POLG2: variants seen among roughly 807,000 people sequenced by gnomAD.
POLG2 encodes DNA polymerase subunit gamma-2.
Under a neutral mutation model 56.5 loss-of-function variants are expected in POLG2, and 50 were observed. The ratio of observed to expected loss-of-function variants is 0.88; its 90% confidence interval spans 0.71 to 1.12. The LOEUF (loss-of-function observed/expected upper bound fraction) is 1.12, where lower values mean the gene tolerates loss of function less well. Among genes scored for constraint, POLG2 ranks in the 50% most tolerant of loss-of-function variants. The pLI is 0.00. For missense variants in POLG2, 584 were observed against 583.3 expected (o/e 1.00, Z -0.01); for synonymous variants, 226 against 222.6 (o/e 1.02, Z -0.14).
chr17:64,489,028 CTTTT>C (rs562036918), intron 4 of POLG2, among the ~76,000 whole-genome samples: 3 of 136,468 alleles, frequency 2.2e-5, no homozygotes, highest in Non-Finnish European at 4.8e-5. Flanking sequence ...TTTTCTTTTT[CTTTT>C]TTTTTTTTTT....
In POLG2 at chr17:64,492,964, C is replaced by A. The variant is rs782161056; in HGVS notation, c.620G>T (p.Gly207Val). ...AAAACACACTCCAATCTGAGCAAGG[C>A]CATAAGGTAGCCTCTTGTTTACCAG... is the stretch of plus-strand genomic sequence containing the variant. ...LDLVNKRLPY[G>V]LAQIGVCFHP... The change falls in exon 2 of 8, where the codon GGC (glycine) becomes GTC (valine). Residue 207 changes from glycine to valine, a missense_variant. Coordinates refer to ENST00000539111, the MANE Select transcript of POLG2 (RefSeq NM_007215.4). 1.7e-5 allele frequency: 28 copies of A among 1,613,744 alleles called. No individual in the cohort carries two copies. Among genetic ancestry groups the A allele is most frequent in the Non-Finnish European group, 2.0e-5 (24 of 1,179,802 alleles).
intron 5 of POLG2, chr17:64,483,965 T>C (rs1258128286): frequency 1.3e-5 from 2 of 152,252 alleles, no homozygotes; most frequent in African/African-American, 2.4e-5. Context: ...TCCACCCACC[T>C]TGGCTTCCCA....
chr17:64,491,632 C>T (rs969226171), intron 3 of POLG2: 21 of 1,501,780 alleles, frequency 1.4e-5, no homozygotes, highest in Admixed American at 1.7e-5. Context: ...CTTGATGGAG[C>T]GTTTCAAAGA....
At chr17:64,481,998 T>C (rs1256025063) in intron 6 of POLG2, among the ~76,000 whole-genome samples, 1 of 151,758 alleles carries the variant, frequency 6.6e-6, no homozygotes, top group Non-Finnish European at 1.5e-5. Context: ...TGAATGGGCA[T>C]GAACAGCAAA....
chr17:64,478,375 C>T (rs1035778041), intron 7 of POLG2, among the ~76,000 whole-genome samples: 1 of 152,080 alleles, frequency 6.6e-6, no homozygotes, highest in Non-Finnish European at 1.5e-5. Flanking sequence ...AATAAAGATG[C>T]AATTTGGTAT....
chr17:64,485,627 ATTAT>A lies in POLG2; in HGVS notation c.1110+97_1110+100del. ...TACTTAGACTACATGCACTAAATTT[ATTAT>A]TTAGAGTTTATGTTAGAAACCGAGC... On this transcript the variant is annotated intron_variant, in intron 5 of 7. Coordinates refer to ENST00000539111, the MANE Select transcript of POLG2 (RefSeq NM_007215.4). 7.2e-6 allele frequency: 7 copies of A among 968,066 alleles called. No individual in the cohort carries two copies. The South Asian group carries it at 9.3e-5, about 13-fold the overall frequency. The allele number at this position is 968,066 out of a possible 1,614,324, so 60.0% of individuals were successfully genotyped here.
At chr17:64,491,556 C>T in intron 3 of POLG2, 1 of 1,550,558 alleles carries the variant, frequency 6.4e-7, no homozygotes, top group South Asian at 1.1e-5. Flanking sequence ...GGACAAGAAA[C>T]TTCTGGAGGT....
At chr17:64,496,004 T>G (rs1481508956) in intron 1 of POLG2, among the ~76,000 whole-genome samples, 1 of 152,256 alleles carries the variant, frequency 6.6e-6, no homozygotes, top group Non-Finnish European at 1.5e-5. Flanking sequence ...CCACTGCGCC[T>G]GGCCTTGATT....
At chr17:64,492,570 C>T (rs561971511) in intron 3 of POLG2, 97 bp downstream of exon 3, 61 of 726,694 alleles carry the variant, frequency 8.4e-5, no homozygotes, top group African/African-American at 4.7e-4. Flanking sequence ...TAGCTACATA[C>T]ATCAAATATA....
intron 3 of POLG2, chr17:64,491,926 G>GA (rs370463874): frequency 0.23 from 18,406 of 81,436 alleles, 1,304 homozygotes; most frequent in Admixed American, 0.29. Context: ...TGGTACTTGT[G>GA]AAAAAAAAAA....
At chr17:64,488,567 G>A (rs1447803595) in intron 4 of POLG2, among the ~76,000 whole-genome samples, 3 of 152,054 alleles carry the variant, frequency 2.0e-5, no homozygotes, top group African/African-American at 7.2e-5. Context: ...AACAAAATAA[G>A]ACACTAATAG....
rs1568090324 is a variant in POLG2 at position 64,492,685 on chromosome 17, T to G, written c.777A>C (p.Arg259=). The part of the protein sequence containing the change: ...NQWLDFWLRH[R]LQWWRKFAMS... ...GCAGTACCTTTCTCCACCACTGGAG[T>G]CGATGACGTAACCAGAAATCAAGCC... The change falls in exon 3 of 8, where the codon CGA becomes CGC. Residue 259 remains arginine (R), a synonymous_variant. Transcript: ENST00000539111. The G allele has an allele frequency of 6.2e-7, 1 of 1,607,642 alleles. No individual in the cohort carries two copies. The highest frequency in any genetic ancestry group is 8.5e-7 in the Non-Finnish European group (1 of 1,175,004).
rs782445874 is a variant in POLG2 at position 64,496,868 on chromosome 17, G to A, written c.101C>T (p.Thr34Met). ...RVDAGQPELL[T>M]ERSSPKGGHV... is the part of the protein sequence containing the mutation. ...CCCTCCTTTGGGGCTACTCCTTTCC[G>A]TCAACAGCTCCGGCTGCCCCGCATC... The change falls in exon 1 of 8, where the codon ACG becomes ATG. Residue 34 changes from threonine (T) to methionine (M), a missense_variant. Coordinates refer to ENST00000539111, the MANE Select transcript of POLG2 (RefSeq NM_007215.4). 2 of 1,613,550 alleles carry A rather than the reference G, an allele frequency of 1.2e-6. No homozygotes were observed. Among genetic ancestry groups the A allele is most frequent in the East Asian group, 2.2e-5 (1 of 44,878 alleles).
intron 5 of POLG2, 38 bp from the exon 6 acceptor site, chr17:64,483,037 G>A (rs782524905): frequency 9.9e-7 from 1 of 1,010,976 alleles, no homozygotes. Context: ...AGACAGGAAA[G>A]GGGAAAAAGC....
intron 1 of POLG2, among the ~76,000 whole-genome samples, chr17:64,494,531 C>T (rs1179245897): frequency 9.9e-5 from 15 of 152,128 alleles, no homozygotes; most frequent in African/African-American, 3.4e-4. Context: ...TTTCCTTCTA[C>T]ATTTATTCCA....
chr17:64,478,380 T>C (rs1348184963), intron 7 of POLG2, among the ~76,000 whole-genome samples: 1 of 152,182 alleles, frequency 6.6e-6, no homozygotes, highest in Non-Finnish European at 1.5e-5. Flanking sequence ...AGATGCAATT[T>C]GGTATAACAA....
intron 4 of POLG2, 67 bp from the exon 5 acceptor site, chr17:64,485,935 C>T (rs887682113): frequency 1.5e-5 from 22 of 1,517,170 alleles, no homozygotes; most frequent in South Asian, 2.3e-5. Flanking sequence ...GTTTTTGAGA[C>T]GGAGTCTCAC....
chr17:64,495,512 G>C (rs2038136653), intron 1 of POLG2, among the ~76,000 whole-genome samples: 1 of 152,144 alleles, frequency 6.6e-6, no homozygotes, highest in African/African-American at 2.4e-5. Context: ...CCGAGGTCGA[G>C]GCTGCAGTGA....
At chr17:64,489,533 G>A (rs550960715) in intron 4 of POLG2, among the ~76,000 whole-genome samples, 6 of 151,902 alleles carry the variant, frequency 3.9e-5, no homozygotes, top group African/African-American at 1.4e-4. Context: ...GGCTGAGGCA[G>A]GGGGATTGTT....
Sources: gnomAD v4.1 joint callset for allele counts (sites outside exome capture counted in the v4.1 genomes callset) on GRCh38, gnomAD v4.1.1 for gene constraint, MANE v1.5 for transcripts, NCBI Gene and HGNC (gene_info 2026-07-23, HGNC 2026-07-21) for gene names.